Variants in TRAPPC9 observed in about 807,000 individuals in gnomAD.
TRAPPC9 encodes IKK2 binding protein.
TRAPPC9 carries 83 observed loss-of-function variants against 124.0 expected under a neutral mutation model. The observed-to-expected ratio is 0.67, with a 90% CI of 0.56 to 0.80. The LOEUF is 0.80. TRAPPC9 is among the 30% of genes least tolerant of loss of function. The pLI is 0.00. For synonymous variants in TRAPPC9, 638 were observed against 617.5 expected (o/e 1.03, Z -0.49); for missense variants, 1,302 against 1,508.3 (o/e 0.86, Z 2.27).
intron 15 of TRAPPC9, among the ~76,000 whole-genome samples, chr8:140,271,991 GTGGTGGTAGTGA>G (rs1425045651): frequency 4.5e-5 from 6 of 132,884 alleles, no homozygotes; most frequent in South Asian, 2.2e-4. Context: ...GGTGGTGGTG[GTGGTGGTAGTGA>G]TGGTGGTGAC....
intron 17 of TRAPPC9, among the ~76,000 whole-genome samples, chr8:140,165,546 A>G (rs2061820580): frequency 7.2e-6 from 1 of 139,302 alleles, no homozygotes; most frequent in Non-Finnish European, 1.5e-5. Context: ...CAAAAGAAAA[A>G]GAAATGAAAG....
At chr8:139,970,788 T>C (rs548227089) in intron 19 of TRAPPC9, among the ~76,000 whole-genome samples, 3 of 152,222 alleles carry the variant, frequency 2.0e-5, no homozygotes, top group East Asian at 3.9e-4. Flanking sequence ...AGGCCTGCAA[T>C]GCGCAGCCCA....
intron 17 of TRAPPC9, among the ~76,000 whole-genome samples, chr8:140,026,819 G>A (rs950263905): frequency 2.6e-5 from 4 of 152,064 alleles, no homozygotes; most frequent in Admixed American, 1.3e-4. Flanking sequence ...CTACTCGACA[G>A]CCCAAATAAA....
chr8:140,434,668 A>G (rs1366202864), intron 4 of TRAPPC9, among the ~76,000 whole-genome samples: 1 of 152,162 alleles, frequency 6.6e-6, no homozygotes, highest in African/African-American at 2.4e-5. Flanking sequence ...TCAGAACAAA[A>G]TGTCTCATAC....
chr8:139,887,460 G>C (rs1437424099), intron 20 of TRAPPC9, among the ~76,000 whole-genome samples: 1 of 152,170 alleles, frequency 6.6e-6, no homozygotes, highest in African/African-American at 2.4e-5. Context: ...CTGACCTCAA[G>C]TGATCTGCCC....
intron 21 of TRAPPC9, among the ~76,000 whole-genome samples, chr8:139,792,507 C>T (rs1034260052): frequency 6.6e-6 from 1 of 152,220 alleles, no homozygotes; most frequent in Admixed American, 6.5e-5. Flanking sequence ...AAATGCCCCA[C>T]TGTTCCCACT....
At chr8:140,228,461 A>T (rs548019253) in intron 16 of TRAPPC9, among the ~76,000 whole-genome samples, 2 of 152,362 alleles carry the variant, frequency 1.3e-5, no homozygotes, top group South Asian at 4.1e-4. Flanking sequence ...TCGTTCATTC[A>T]GAAACTTTGG....
intron 17 of TRAPPC9, among the ~76,000 whole-genome samples, chr8:140,173,604 G>GAAACTTGGT (rs1489700325): frequency 1.3e-5 from 2 of 151,028 alleles, no homozygotes; most frequent in East Asian, 3.9e-4. Flanking sequence ...AGTGTCACAT[G>GAAACTTGGT]AAACTTGGTG....
chr8:140,397,040 C>T (rs1482221516), intron 7 of TRAPPC9, among the ~76,000 whole-genome samples: 1 of 152,178 alleles, frequency 6.6e-6, no homozygotes, highest in Non-Finnish European at 1.5e-5. Context: ...AATTGTTTAA[C>T]TTGGTCTCAG....
intron 10 of TRAPPC9, among the ~76,000 whole-genome samples, chr8:140,305,221 T>C (rs1418907630): frequency 1.3e-5 from 2 of 152,222 alleles, no homozygotes; most frequent in Non-Finnish European, 2.9e-5. Context: ...ACATTATGAA[T>C]TCCAGGTACT....
chr8:140,344,306 G>GT (rs1483552840), intron 9 of TRAPPC9, among the ~76,000 whole-genome samples: 1 of 152,224 alleles, frequency 6.6e-6, no homozygotes, highest in Non-Finnish European at 1.5e-5. Context: ...CTAGTCTGCA[G>GT]TATTTTGTTA....
chr8:139,789,883 A>G (rs556496950), intron 21 of TRAPPC9, among the ~76,000 whole-genome samples: 1 of 152,090 alleles, frequency 6.6e-6, no homozygotes, highest in Non-Finnish European at 1.5e-5. Flanking sequence ...GCCTCAGTGC[A>G]GCATTTGAAG....
At position 140,105,657 on chromosome 8, in the gene TRAPPC9, G is replaced by T. The variant is rs189220489; in HGVS notation, c.2557-81578C>A. On this transcript the variant is annotated intron_variant, in intron 17 of 22. Transcript: ENST00000438773. ...CTGGTAAACACCTCGTCTCCTCCTA[G>T]ATCTAGCAGTACCTCCTCTGTGAAG... Among the ~76,000 whole-genome samples, 6 of 152,246 alleles carry T rather than the reference G, an allele frequency of 3.9e-5. No individual in the cohort carries two copies. In the East Asian group the frequency reaches 1.2e-3, roughly 29 times the overall value.
At chr8:140,009,224 T>A (rs1379027267) in intron 18 of TRAPPC9, among the ~76,000 whole-genome samples, 1 of 152,216 alleles carries the variant, frequency 6.6e-6, no homozygotes, top group Non-Finnish European at 1.5e-5. Context: ...GTACACTAGG[T>A]CAACCAACAT....
At chr8:139,979,744 G>A (rs1836758310) in intron 19 of TRAPPC9, among the ~76,000 whole-genome samples, 1 of 152,106 alleles carries the variant, frequency 6.6e-6, no homozygotes, top group African/African-American at 2.4e-5. Flanking sequence ...CAGCAAGGCT[G>A]GGGAACCAAG....
At chr8:139,848,242 G>A (rs904306715) in intron 21 of TRAPPC9, among the ~76,000 whole-genome samples, 7 of 152,230 alleles carry the variant, frequency 4.6e-5, no homozygotes, top group Non-Finnish European at 1.0e-4. Flanking sequence ...TCACACGCGA[G>A]GGGCACTTTG....
chr8:140,272,087 G>A (rs1005311325), intron 15 of TRAPPC9, among the ~76,000 whole-genome samples: 1 of 129,868 alleles, frequency 7.7e-6, no homozygotes, highest in Admixed American at 7.3e-5. Context: ...TGGTGGTTGT[G>A]TTGATGATGA....
intron 17 of TRAPPC9, among the ~76,000 whole-genome samples, chr8:140,068,855 G>A (rs1166371016): frequency 6.6e-6 from 1 of 152,202 alleles, no homozygotes; most frequent in Non-Finnish European, 1.5e-5. Flanking sequence ...ACCTTTCTGT[G>A]TCAATGCAAG....
intron 19 of TRAPPC9, among the ~76,000 whole-genome samples, chr8:139,921,175 C>T (rs1315984676): frequency 2.0e-5 from 3 of 152,228 alleles, no homozygotes; most frequent in Admixed American, 2.0e-4. Context: ...TCCTGAGGCC[C>T]TGCAGTCTCA....
Sources: allele counts gnomAD v4.1 joint callset (sites outside exome capture counted in the v4.1 genomes callset), GRCh38; gene constraint gnomAD v4.1.1; transcripts MANE v1.5; gene names NCBI Gene and HGNC (gene_info 2026-07-23, HGNC 2026-07-21).